The following GSDMC variants were observed in gnomAD, a reference collection of about 807,000 sequenced individuals.
GSDMC encodes gasdermin-C.
A neutral mutation model predicts 58.0 loss-of-function variants in GSDMC; 59 were observed. The ratio of observed to expected loss-of-function variants is 1.02; its 90% confidence interval spans 0.82 to 1.26. GSDMC has a LOEUF of 1.26. Ranked by LOEUF, GSDMC falls within the 50% of genes most tolerant of loss-of-function variation. The pLI, the probability that GSDMC is intolerant of heterozygous loss-of-function variation, is 0.00. For missense variants in GSDMC, 659 were observed against 598.5 expected (o/e 1.10, Z -1.06); for synonymous variants, 241 against 220.2 (o/e 1.09, Z -0.83).
rs2034173937 is a variant in GSDMC at position 129,774,875 on chromosome 8, GAC to G, written c.404+1225_404+1226del. 2.0e-5 allele frequency among the ~76,000 whole-genome samples: 3 copies of G among 152,116 alleles called. No homozygotes were observed. The South Asian group carries it at 6.2e-4, about 31-fold the overall frequency. On this transcript the variant is annotated intron_variant, in intron 3 of 13. Transcript: ENST00000276708. ...GACGTACAAATCAAAACCACAATGAGACATAATTTCGCATCTGTTTGGATGGC... is the reference window on the plus strand; with the variant it reads ...GACGTACAAATCAAAACCACAATGAGATAATTTCGCATCTGTTTGGATGGC...
At chr8:129,753,655 C>T (rs1563791016) in intron 6 of GSDMC, among the ~76,000 whole-genome samples, 1 of 152,162 alleles carries the variant, frequency 6.6e-6, no homozygotes, top group East Asian at 1.9e-4. Context: ...ATCTTAGGTA[C>T]CAGTTCAGCC....
the GSDMC span, among the ~76,000 whole-genome samples, chr8:129,738,064 A>C: frequency 6.6e-6 from 1 of 152,256 alleles, no homozygotes; most frequent in Non-Finnish European, 1.5e-5. Context: ...ACATGTGAAA[A>C]AATGCTCATC....
chr8:129,733,451 G>A, the GSDMC span, among the ~76,000 whole-genome samples: 1 of 152,206 alleles, frequency 6.6e-6, no homozygotes, highest in African/African-American at 2.4e-5. Flanking sequence ...GCCCCTCTGG[G>A]ATGAAACTTC....
intron 3 of GSDMC, among the ~76,000 whole-genome samples, chr8:129,769,004 G>A (rs538959977): frequency 1.6e-4 from 24 of 152,228 alleles, no homozygotes; most frequent in African/African-American, 5.5e-4. Context: ...CTTCAGCCCA[G>A]GAGGTAGAGG....
downstream of GSDMC, among the ~76,000 whole-genome samples, chr8:129,746,584 G>C (rs2032966668): frequency 6.6e-6 from 1 of 152,182 alleles, no homozygotes; most frequent in Admixed American, 6.5e-5. Context: ...CCCAGGAAAA[G>C]TGACATAGAG....
rs138755304 is a variant in GSDMC at position 129,779,430 on chromosome 8, A to C, written c.-4-1839T>G. Among the ~76,000 whole-genome samples the C allele has an allele frequency of 1.2e-4, 18 of 152,286 alleles. No individual in the cohort carries two copies. The East Asian group carries it at 3.5e-3, about 29-fold the overall frequency. ...AACACATAGACTCATGGAGGGGACCAACACACACTGGGGCCTACTGGAAGG... is the reference window on the plus strand; with the variant it reads ...AACACATAGACTCATGGAGGGGACCCACACACACTGGGGCCTACTGGAAGG... On this transcript the variant is annotated intron_variant, in intron 1 of 13. Coordinates refer to ENST00000276708, the MANE Select transcript of GSDMC (RefSeq NM_031415.3).
Position 129,760,595 on chromosome 8 carries a change from T to A in GSDMC, c.677-6A>T, listed in dbSNP as rs1295363150. ...ATCATCTGAGATGAGAATGGCTGAA[T>A]GGAAAAGAAGAACTTCCATTAGGAG... On this transcript the variant is annotated splice_polypyrimidine_tract_variant and splice_region_variant and intron_variant, in intron 5 of 13. Coordinates refer to ENST00000276708, the MANE Select transcript of GSDMC (RefSeq NM_031415.3). The A allele has an allele frequency of 1.3e-6, 2 of 1,581,892 alleles. No homozygotes were observed. Among genetic ancestry groups the A allele is most frequent in the African/African-American group, 2.7e-5 (2 of 74,356 alleles).
At chr8:129,714,474 G>T in the GSDMC span, among the ~76,000 whole-genome samples, 1 of 152,148 alleles carries the variant, frequency 6.6e-6, no homozygotes, top group Non-Finnish European at 1.5e-5. Flanking sequence ...CATGACCAGT[G>T]CCTGGGAGGC....
At chr8:129,768,889 G>C (rs1586604337) in intron 3 of GSDMC, among the ~76,000 whole-genome samples, 1 of 152,186 alleles carries the variant, frequency 6.6e-6, no homozygotes, top group African/African-American at 2.4e-5. Context: ...AAACCAGTCT[G>C]AGAATAATAT....
Position 129,762,632 on chromosome 8 carries a change from C to T in GSDMC, c.670G>A (p.Glu224Lys), listed in dbSNP as rs1432815651. 6.2e-7 allele frequency: 1 copy of T among 1,606,908 alleles called. No homozygotes were observed. Among genetic ancestry groups the T allele is most frequent in the Non-Finnish European group, 8.5e-7 (1 of 1,173,394 alleles). Residue 224 changes from glutamate to lysine, a missense_variant, in exon 5 of 14, where the codon GAG becomes AAG. Glu to Lys is a moderately conservative substitution (Grantham distance 56, BLOSUM62 1). Transcript: ENST00000276708. ...TGAGCTCCGCTGCTCCCACCTTTCT[C>T]CTTGATAACCAGCTGCTTTCTCTTA... ...AYKRKQLVIKEKAILISDDDE... is the reference protein window; with the variant it reads ...AYKRKQLVIKKKAILISDDDE...
the GSDMC span, among the ~76,000 whole-genome samples, chr8:129,738,857 G>C: frequency 6.6e-6 from 1 of 151,922 alleles, no homozygotes; most frequent in African/African-American, 2.4e-5. Flanking sequence ...AATGAAGGAA[G>C]AGATAAACAT....
At chr8:129,769,084 A>AGGAGAGGAGAGGAGAGGAG (rs2033964637) in intron 3 of GSDMC, among the ~76,000 whole-genome samples, 1 of 145,606 alleles carries the variant, frequency 6.9e-6, no homozygotes, top group African/African-American at 2.6e-5. Flanking sequence ...TCACAAAGGA[A>AGGAGAGGAGAGGAGAGGAG]AGGAGAGGAG....
Position 129,750,107 on chromosome 8 carries a change from T to A in GSDMC, c.1096A>T (p.Ser366Cys). 2 of 1,572,098 alleles carry A rather than the reference T, an allele frequency of 1.3e-6. No homozygotes were observed. The highest frequency in any genetic ancestry group is 1.7e-6 in the Non-Finnish European group (2 of 1,165,438). Residue 366 changes from serine (S) to cysteine (C), a missense_variant, in exon 12 of 14, where the codon AGC (serine) becomes TGC (cysteine). Transcript: ENST00000276708. ...CCAGGGCCATCCAAATGACCTGAGC[T>A]GTCCAATTCCAGCTATAGAAGACAG... ...QDLMNMLELD[S>C]SGHLDGPGGA... is the part of the protein sequence containing the mutation.
At chr8:129,737,585 CAT>C in the GSDMC span, among the ~76,000 whole-genome samples, 1 of 152,120 alleles carries the variant, frequency 6.6e-6, no homozygotes, top group Non-Finnish European at 1.5e-5. Flanking sequence ...ACTGGCTAGT[CAT>C]ATGTGGAAAA....
chr8:129,783,956 A>AT (rs770622618), intron 1 of GSDMC, among the ~76,000 whole-genome samples: 16 of 152,258 alleles, frequency 1.1e-4, no homozygotes, highest in Middle Eastern at 3.4e-3. Flanking sequence ...CAGTGAGCTC[A>AT]TTTTTTACCA....
At chr8:129,748,860 C>A (rs970505535) in intron 13 of GSDMC, 120 bp from the exon 14 acceptor site, 10 of 720,514 alleles carry the variant, frequency 1.4e-5, no homozygotes, top group Admixed American at 3.8e-5. Context: ...TGGGATCCAG[C>A]GGACCAGGAG....
Position 129,752,709 on chromosome 8 carries a change from T to G in GSDMC, c.833A>C (p.Lys278Thr). 2 of 1,614,196 alleles carry G rather than the reference T, an allele frequency of 1.2e-6. No individual in the cohort carries two copies. The highest frequency in any genetic ancestry group is 1.7e-6 in the Non-Finnish European group (2 of 1,180,020). The change falls in exon 7 of 14, where the codon AAG (lysine) becomes ACG (threonine). Residue 278 changes from lysine (K) to threonine (T), a missense_variant. Physicochemically the swap from Lys to Thr is moderately conservative, Grantham distance 78 (BLOSUM62 -1). Transcript: ENST00000276708. ...TLFNASSNDM[K>T]LKPELFLTQQ... ...AGCAATCACAGTACCTGGTTTTAAC[T>G]TCATATCATTGGATGAGGCATTGAA...
At chr8:129,735,897 A>T in the GSDMC span, among the ~76,000 whole-genome samples, 1 of 152,222 alleles carries the variant, frequency 6.6e-6, no homozygotes, top group Non-Finnish European at 1.5e-5. Flanking sequence ...AACAAAACTG[A>T]TAGACCGCTA....
intron 2 of GSDMC, 102 bp downstream of exon 2, chr8:129,777,266 A>C: frequency 1.4e-6 from 1 of 695,006 alleles, no homozygotes; most frequent in Non-Finnish European, 2.5e-6. Flanking sequence ...TAATCCTGAG[A>C]GCTCCTTTCT....
Sources: gnomAD v4.1 joint callset for allele counts (sites outside exome capture counted in the v4.1 genomes callset) on GRCh38, gnomAD v4.1.1 for gene constraint, MANE v1.5 for transcripts, NCBI Gene and HGNC (gene_info 2026-07-23, HGNC 2026-07-21) for gene names.